The following ZNF846 variants were observed in gnomAD, a reference collection of about 807,000 sequenced individuals.
ZNF846 encodes the protein zinc finger protein 846.
ZNF846 carries 15 observed loss-of-function variants against 16.0 expected under a neutral mutation model. The observed-to-expected ratio is 0.94, with a 90% CI of 0.63 to 1.45. The LOEUF (loss-of-function observed/expected upper bound fraction) is 1.45. Among genes scored for constraint, ZNF846 ranks in the 40% most tolerant of loss-of-function variants. The pLI is 0.00. For synonymous variants in ZNF846, 229 were observed against 212.0 expected (o/e 1.08, Z -0.70); for missense variants, 714 against 622.3 (o/e 1.15, Z -1.57).
At chr19:9,772,512 A>AT (rs1368558655), upstream of ZNF846, among the ~76,000 whole-genome samples, 2 of 152,016 alleles carry the variant, frequency 1.3e-5, no homozygotes, top group Non-Finnish European at 2.9e-5. Context: ...AGGCAGGAGA[A>AT]TCGCTTGAAC....
Position 9,780,574 on chromosome 19 carries a change from C to T in ZNF846, c.-86+5364G>A, listed in dbSNP as rs546906523. Reference sequence around the variant, plus strand: ...AAGCGATTCTCCTGCCTCAGTCTCCCGAGTAGCTGGGACTACAGGTGTGCA... The same window carrying T: ...AAGCGATTCTCCTGCCTCAGTCTCCTGAGTAGCTGGGACTACAGGTGTGCA... On this transcript the variant is annotated intron_variant, in intron 1 of 4. Transcript: ENST00000586814. 6.2e-4 allele frequency among the ~76,000 whole-genome samples: 95 copies of T among 152,054 alleles called. 1 individual carries two copies. Among genetic ancestry groups the T allele is most frequent in the African/African-American group, 1.9e-3 (80 of 41,462 alleles).
chr19:9,758,538 T>G, exon 6 of ZNF846: 1 of 1,613,264 alleles, frequency 6.2e-7, no homozygotes, highest in Non-Finnish European at 8.5e-7. Flanking sequence ...TGGAAACTGG[T>G]TGAAGGCTTT....
chr19:9,749,533 CTGA>C (rs1276365847), downstream of ZNF846, among the ~76,000 whole-genome samples: 7 of 150,212 alleles, frequency 4.7e-5, no homozygotes, highest in Non-Finnish European at 7.4e-5. Context: ...TTCTCCTATC[CTGA>C]TAAGTCTTTC....
downstream of ZNF846, among the ~76,000 whole-genome samples, chr19:9,749,636 A>T (rs1048724983): frequency 2.1e-5 from 3 of 145,114 alleles, no homozygotes; most frequent in African/African-American, 7.8e-5. Flanking sequence ...AGTTACCTCC[A>T]GCATAGTATC....
chr19:9,760,938 CT>C (rs1319873833), intron 4 of ZNF846, among the ~76,000 whole-genome samples: 1 of 151,592 alleles, frequency 6.6e-6, no homozygotes, highest in Non-Finnish European at 1.5e-5. Flanking sequence ...TGGCTCATGC[CT>C]GTAATCCCAA....
At chr19:9,773,020 C>T (rs992625029), upstream of ZNF846, among the ~76,000 whole-genome samples, 3 of 151,986 alleles carry the variant, frequency 2.0e-5, no homozygotes, top group South Asian at 2.1e-4. Flanking sequence ...CCGACCATGC[C>T]CCTGCACTCT....
At position 9,774,487 on chromosome 19, in the gene ZNF846, C is replaced by G. The variant is rs1599399829; in HGVS notation, c.-85-9452G>C. 1.2e-5 allele frequency: 12 copies of G among 963,364 alleles called. No homozygotes were observed. The South Asian group carries it at 1.6e-4, about 13-fold the overall frequency. The allele number at this position is 963,364 out of a possible 1,614,324, so 59.7% of individuals were successfully genotyped here. ...CGTCTCAAAAAAAAAAAAAAAATAC[C>G]AAATCCAAGATGGCGGCCAGCAGGA... On this transcript the variant is annotated intron_variant, in intron 1 of 4. Transcript: ENST00000586814.
intron 1 of ZNF846, among the ~76,000 whole-genome samples, chr19:9,783,547 ATAT>A (rs2045527500): frequency 2.3e-5 from 3 of 132,426 alleles, no homozygotes; most frequent in African/African-American, 8.7e-5. Flanking sequence ...AAAAAAAAAT[ATAT>A]ATATATATAT....
At chr19:9,764,885 G>A (rs201904210) in intron 2 of ZNF846, 51 bp downstream of exon 2, 128 of 1,607,696 alleles carry the variant, frequency 8.0e-5, no homozygotes, top group East Asian at 4.2e-4. Flanking sequence ...TAAGGCTACC[G>A]ATGATGGCTA....
intron 4 of ZNF846, among the ~76,000 whole-genome samples, chr19:9,761,284 T>C (rs1029398033): frequency 3.9e-5 from 6 of 152,082 alleles, no homozygotes; most frequent in Admixed American, 2.0e-4. Context: ...AATTTTTGTA[T>C]ATTTTACCTA....
Position 9,760,801 on chromosome 19 carries a change from G to A in ZNF846, c.230-859C>T, listed in dbSNP as rs548940451. Among the ~76,000 whole-genome samples, 11 of 151,690 alleles carry A rather than the reference G, an allele frequency of 7.3e-5. No homozygotes were observed. In the East Asian group the frequency reaches 2.1e-3, roughly 29 times the overall value. On this transcript the variant is annotated intron_variant, in intron 4 of 5. Coordinates refer to ENST00000397902, the Ensembl canonical transcript of ZNF846. ...TGATTCCATTTATATAAGATATACA[G>A]AAAGGGTAAATCCGTAGAGAGAGAA... is the stretch of plus-strand genomic sequence containing the variant.
chr19:9,782,866 G>A (rs1023275013), intron 1 of ZNF846, among the ~76,000 whole-genome samples: 5 of 151,912 alleles, frequency 3.3e-5, no homozygotes, highest in African/African-American at 1.2e-4. Flanking sequence ...CACACCTGTG[G>A]CTCTTTCTAG....
At chr19:9,758,386 A>T in exon 6 of ZNF846, 1 of 1,613,280 alleles carries the variant, frequency 6.2e-7, no homozygotes, top group Non-Finnish European at 8.5e-7. Context: ...GCTTTCCCAC[A>T]TTCCTTACAT....
chr19:9,757,167 C>G (rs931658040), downstream of ZNF846, among the ~76,000 whole-genome samples: 1 of 150,794 alleles, frequency 6.6e-6, no homozygotes, highest in Non-Finnish European at 1.5e-5. Context: ...TGTACTCCAG[C>G]CTGGGTGAGA....
downstream of ZNF846, among the ~76,000 whole-genome samples, chr19:9,749,746 G>C (rs1285147410): frequency 6.6e-6 from 1 of 151,570 alleles, no homozygotes; most frequent in African/African-American, 2.4e-5. Context: ...AGCCGTCCCC[G>C]CTCTACAGGC....
At chr19:9,764,009 G>A (rs191988469) in intron 2 of ZNF846, among the ~76,000 whole-genome samples, 1 of 152,316 alleles carries the variant, frequency 6.6e-6, no homozygotes, top group East Asian at 1.9e-4. Flanking sequence ...CGTGTGATGT[G>A]CTTCCCCCTG....
chr19:9,764,730 G>C, intron 2 of ZNF846: 1 of 602,130 alleles, frequency 1.7e-6, no homozygotes, highest in Non-Finnish European at 3.0e-6. Flanking sequence ...TGCACTGTGG[G>C]CTGCTGGCCA....
chr19:9,783,111 TG>T (rs1052054969), intron 1 of ZNF846, among the ~76,000 whole-genome samples: 1 of 151,680 alleles, frequency 6.6e-6, no homozygotes, highest in Admixed American at 6.6e-5. Context: ...TTTGTAAAGA[TG>T]GGTTTTTACT....
At chr19:9,771,998 C>T (rs183106464), upstream of ZNF846, among the ~76,000 whole-genome samples, 5 of 151,834 alleles carry the variant, frequency 3.3e-5, no homozygotes, top group East Asian at 9.8e-4. Context: ...GGTCTCTTGA[C>T]CTCGTGATCC....
Sources: allele counts gnomAD v4.1 joint callset (sites outside exome capture counted in the v4.1 genomes callset), GRCh38; gene constraint gnomAD v4.1.1; transcripts MANE v1.5; gene names NCBI Gene and HGNC (gene_info 2026-07-23, HGNC 2026-07-21).